Variants in COMMD10 observed in about 807,000 individuals in gnomAD.
The protein encoded by COMMD10 is COMM domain containing 10.
In COMMD10, 33 loss-of-function variants were observed where a neutral mutation model predicts 28.9. That is an observed-to-expected ratio of 1.14 (90% CI 0.87 to 1.53). The LOEUF is 1.53. Ranked by LOEUF, COMMD10 falls within the 40% of genes most tolerant of loss-of-function variation. COMMD10 has a pLI of 0.00. For synonymous variants in COMMD10, 110 were observed against 81.7 expected (o/e 1.35, Z -1.87); for missense variants, 310 against 233.4 (o/e 1.33, Z -2.14).
chr5:116,291,840 T>C (rs1310786596), intron 6 of COMMD10, among the ~76,000 whole-genome samples: 1 of 152,124 alleles, frequency 6.6e-6, no homozygotes. Context: ...ATGAACTTTG[T>C]GATTCCTAGC....
chr5:116,147,884 T>A (rs1200355488), intron 5 of COMMD10, among the ~76,000 whole-genome samples: 3 of 151,884 alleles, frequency 2.0e-5, no homozygotes, highest in Non-Finnish European at 4.4e-5. Context: ...TCTTTCCAAG[T>A]CTGTCCATTG....
Position 116,153,156 on chromosome 5 carries a change from C to A in COMMD10, c.510+18978C>A, listed in dbSNP as rs1475736839. On this transcript the variant is annotated intron_variant, in intron 5 of 6. Transcript: ENST00000274458. ...CTATATGTTTCCTAAAAGTGATAAT[C>A]TTTGGAGATGGACAGATCTTACATA... 2.6e-5 allele frequency among the ~76,000 whole-genome samples: 4 copies of A among 152,092 alleles called. No homozygotes were observed. In the East Asian group the frequency reaches 7.7e-4, roughly 29 times the overall value.
chr5:116,258,118 A>G (rs1750341595), intron 5 of COMMD10, among the ~76,000 whole-genome samples: 1 of 151,810 alleles, frequency 6.6e-6, no homozygotes, highest in Non-Finnish European at 1.5e-5. Context: ...ATTTAAAGGC[A>G]TATAAATTGG....
chr5:116,208,069 T>TG (rs1333818192), intron 5 of COMMD10, among the ~76,000 whole-genome samples: 2 of 152,154 alleles, frequency 1.3e-5, no homozygotes, highest in Non-Finnish European at 2.9e-5. Flanking sequence ...CTAGAAAAGT[T>TG]GAAGAAATCA....
chr5:116,284,535 G>A (rs1751167904), intron 5 of COMMD10, among the ~76,000 whole-genome samples: 1 of 151,678 alleles, frequency 6.6e-6, no homozygotes, highest in African/African-American at 2.4e-5. Flanking sequence ...CTATCTTTCT[G>A]ACTCTGAGGA....
intron 5 of COMMD10, among the ~76,000 whole-genome samples, chr5:116,226,876 T>C (rs1749406281): frequency 6.6e-6 from 1 of 152,136 alleles, no homozygotes. Flanking sequence ...CTAAAGACTT[T>C]ACATATGGTC....
At chr5:116,108,198 T>G (rs1178696375) in intron 4 of COMMD10, among the ~76,000 whole-genome samples, 4 of 152,346 alleles carry the variant, frequency 2.6e-5, no homozygotes, top group African/African-American at 9.6e-5. Context: ...AGAGCTTGAA[T>G]GCTATGCTGG....
chr5:116,098,652 A>C (rs1750545267), intron 4 of COMMD10, among the ~76,000 whole-genome samples: 1 of 152,166 alleles, frequency 6.6e-6, no homozygotes, highest in Admixed American at 6.5e-5. Flanking sequence ...GAGGGACTTG[A>C]GTATCTGCAG....
chr5:116,254,289 G>A (rs1028665617), intron 5 of COMMD10, among the ~76,000 whole-genome samples: 2 of 146,986 alleles, frequency 1.4e-5, no homozygotes, highest in Non-Finnish European at 3.1e-5. Context: ...TTTTGTGTCT[G>A]TATTTCCTTC....
intron 5 of COMMD10, among the ~76,000 whole-genome samples, chr5:116,196,945 C>A (rs963407910): frequency 1.3e-5 from 2 of 151,944 alleles, no homozygotes; most frequent in Non-Finnish European, 2.9e-5. Flanking sequence ...GCATTTCTGT[C>A]GATGTATTCC....
chr5:116,206,175 T>G (rs1335314157), intron 5 of COMMD10, among the ~76,000 whole-genome samples: 1 of 152,210 alleles, frequency 6.6e-6, no homozygotes, highest in Non-Finnish European at 1.5e-5. Context: ...TTCACAAAAT[T>G]CATGAAGGAA....
chr5:116,169,217 C>T (rs1040790297), intron 5 of COMMD10, among the ~76,000 whole-genome samples: 2 of 152,128 alleles, frequency 1.3e-5, no homozygotes, highest in Admixed American at 6.5e-5. Context: ...ATACTATAAA[C>T]ACCTCTATAC....
intron 5 of COMMD10, among the ~76,000 whole-genome samples, chr5:116,187,106 T>C (rs924011952): frequency 1.3e-5 from 2 of 152,062 alleles, no homozygotes; most frequent in African/African-American, 4.8e-5. Flanking sequence ...TTTCTAAAAA[T>C]CAAAACAAAA....
intron 5 of COMMD10, among the ~76,000 whole-genome samples, chr5:116,174,060 C>CT (rs1180055280): frequency 6.6e-6 from 1 of 152,046 alleles, no homozygotes; most frequent in African/African-American, 2.4e-5. Flanking sequence ...AGTGTATACT[C>CT]TATCAGGTTG....
intron 5 of COMMD10, among the ~76,000 whole-genome samples, chr5:116,267,438 G>A (rs1303697392): frequency 6.6e-5 from 10 of 151,762 alleles, no homozygotes; most frequent in African/African-American, 1.5e-4. Flanking sequence ...ACTGCTCAAC[G>A]AAATAAAAGA....
At chr5:116,240,347 G>A (rs1329330820) in intron 5 of COMMD10, among the ~76,000 whole-genome samples, 3 of 152,012 alleles carry the variant, frequency 2.0e-5, no homozygotes, top group African/African-American at 4.8e-5. Flanking sequence ...AAAGAAGGGA[G>A]AATACAGCAA....
In COMMD10 at chr5:116,216,785, T is replaced by C. The variant is rs146489204; in HGVS notation, c.511-74732T>C. ...TCTTGACCTCATGATCTGCCTGCCTTAGGCTCCCAAAGTGCTGGGATTACA... is the reference window on the plus strand; with the variant it reads ...TCTTGACCTCATGATCTGCCTGCCTCAGGCTCCCAAAGTGCTGGGATTACA... On this transcript the variant is annotated intron_variant, in intron 5 of 6. Coordinates refer to ENST00000274458, the MANE Select transcript of COMMD10 (RefSeq NM_016144.4). Among the ~76,000 whole-genome samples, 1,208 of 152,212 alleles carry C rather than the reference T, an allele frequency of 7.9e-3. 17 individuals carry two copies. The highest frequency in any genetic ancestry group is 0.027 in the African/African-American group (1,116 of 41,534).
At chr5:116,180,440 A>AT (rs1252653113) in intron 5 of COMMD10, among the ~76,000 whole-genome samples, 1 of 151,972 alleles carries the variant, frequency 6.6e-6, no homozygotes, top group African/African-American at 2.4e-5. Flanking sequence ...AGAAGTGGGT[A>AT]TTTTTTCTAA....
chr5:116,090,714 T>C (rs1487875677), intron 2 of COMMD10, among the ~76,000 whole-genome samples: 2 of 152,288 alleles, frequency 1.3e-5, no homozygotes, highest in South Asian at 2.1e-4. Flanking sequence ...GGGAGAATTA[T>C]GAAAATCACA....
Sources: allele counts gnomAD v4.1 joint callset (sites outside exome capture counted in the v4.1 genomes callset), GRCh38; gene constraint gnomAD v4.1.1; transcripts MANE v1.5; gene names NCBI Gene and HGNC (gene_info 2026-07-23, HGNC 2026-07-21).